The following CACHD1 variants were observed in gnomAD, a reference collection of about 807,000 sequenced individuals.
CACHD1 encodes the protein VWFA and cache domain-containing protein 1.
CACHD1 carries 71 observed loss-of-function variants against 138.7 expected under a neutral mutation model. The observed-to-expected ratio is 0.51, with a 90% confidence interval of 0.42 to 0.62. The LOEUF (loss-of-function observed/expected upper bound fraction) is 0.62. CACHD1 is among the 20% of genes least tolerant of loss of function. The pLI is 0.00. For missense variants in CACHD1, 1,389 were observed against 1,625.3 expected (o/e 0.85, Z 2.50); for synonymous variants, 578 against 591.5 (o/e 0.98, Z 0.33).
intron 12 of CACHD1, among the ~76,000 whole-genome samples, chr1:64,655,068 C>T (rs1389016807): frequency 6.6e-6 from 1 of 152,024 alleles, no homozygotes; most frequent in Non-Finnish European, 1.5e-5. Context: ...TAAACTATGC[C>T]CAGCCTGGAC....
intron 26 of CACHD1, among the ~76,000 whole-genome samples, chr1:64,685,923 G>A (rs1650355550): frequency 6.6e-6 from 1 of 152,078 alleles, no homozygotes; most frequent in South Asian, 2.1e-4. Context: ...TAGGCACGGT[G>A]CTCAGGGTTG....
chr1:64,620,090 G>T (rs759229976), intron 4 of CACHD1, among the ~76,000 whole-genome samples: 35 of 152,024 alleles, frequency 2.3e-4, no homozygotes, highest in Non-Finnish European at 2.4e-4. Context: ...CGTTGGTAAA[G>T]GTTTAGAGAA....
chr1:64,599,968 CTTTA>C (rs1647197037), intron 3 of CACHD1, among the ~76,000 whole-genome samples: 1 of 152,064 alleles, frequency 6.6e-6, no homozygotes, highest in South Asian at 2.1e-4. Flanking sequence ...GCAAGTTCTT[CTTTA>C]TTTATCACTT....
chr1:64,618,588 C>G (rs1446282769), intron 4 of CACHD1, among the ~76,000 whole-genome samples: 1 of 152,062 alleles, frequency 6.6e-6, no homozygotes, highest in South Asian at 2.1e-4. Context: ...AATATATGGC[C>G]CCTGCAGAAT....
intron 2 of CACHD1, among the ~76,000 whole-genome samples, chr1:64,571,916 T>C (rs948920010): frequency 1.1e-4 from 16 of 152,336 alleles, no homozygotes; most frequent in African/African-American, 3.6e-4. Context: ...CTTTCTGACC[T>C]ATCCATCCCC....
chr1:64,585,332 G>A (rs1380560736), intron 3 of CACHD1, among the ~76,000 whole-genome samples: 1 of 152,190 alleles, frequency 6.6e-6, no homozygotes, highest in Non-Finnish European at 1.5e-5. Context: ...TGGGATAGAG[G>A]CCATCTAATT....
intron 7 of CACHD1, 35 bp downstream of exon 7, chr1:64,634,295 G>A (rs2118102): frequency 0.99 from 1,483,244 of 1,504,284 alleles, 733,565 homozygotes; most frequent in East Asian, 1. Context: ...TAGAGGCATA[G>A]TAGATAAAGA....
At chr1:64,603,821 C>A (rs1368147713) in intron 4 of CACHD1, among the ~76,000 whole-genome samples, 1 of 152,160 alleles carries the variant, frequency 6.6e-6, no homozygotes, top group Non-Finnish European at 1.5e-5. Flanking sequence ...ATTTCTCTTT[C>A]TTTTTGTCTT....
intron 21 of CACHD1, 104 bp downstream of exon 21, chr1:64,676,087 C>T (rs908766228): frequency 1.2e-5 from 5 of 404,394 alleles, no homozygotes; most frequent in Non-Finnish European, 1.6e-5. Context: ...TGAGTTAGGG[C>T]GTATAAAGAT....
At chr1:64,513,229 A>T (rs186302658) in intron 1 of CACHD1, among the ~76,000 whole-genome samples, 20 of 152,282 alleles carry the variant, frequency 1.3e-4, no homozygotes, top group Admixed American at 9.2e-4. Flanking sequence ...GCATTTTAGG[A>T]TGTTTAACAA....
chr1:64,525,984 A>G (rs1646535619), intron 1 of CACHD1, among the ~76,000 whole-genome samples: 1 of 152,228 alleles, frequency 6.6e-6, no homozygotes, highest in Non-Finnish European at 1.5e-5. Context: ...TTGAATCCAT[A>G]TTAAGTGCTA....
intron 8 of CACHD1, among the ~76,000 whole-genome samples, chr1:64,645,873 C>T (rs1291824495): frequency 6.6e-6 from 1 of 152,122 alleles, no homozygotes; most frequent in East Asian, 1.9e-4. Flanking sequence ...TCTTACTGTC[C>T]CCTAAATCTC....
chr1:64,489,714 G>A (rs1476360927), intron 1 of CACHD1, among the ~76,000 whole-genome samples: 2 of 152,130 alleles, frequency 1.3e-5, no homozygotes, highest in Admixed American at 6.5e-5. Flanking sequence ...CTCAGGAAGT[G>A]TTTGCTTTTT....
chr1:64,682,307 A>G (rs1426989433), intron 26 of CACHD1, among the ~76,000 whole-genome samples: 3 of 152,200 alleles, frequency 2.0e-5, no homozygotes, highest in African/African-American at 7.2e-5. Flanking sequence ...TTCTCCATAC[A>G]GAAGGATTCA....
chr1:64,526,138 G>A (rs1340404304), intron 1 of CACHD1, among the ~76,000 whole-genome samples: 2 of 152,154 alleles, frequency 1.3e-5, no homozygotes, highest in Admixed American at 6.6e-5. Context: ...GAGCCCGTGT[G>A]TTGGTTGGTA....
intron 2 of CACHD1, among the ~76,000 whole-genome samples, chr1:64,556,478 A>G (rs1433306557): frequency 6.6e-6 from 1 of 152,124 alleles, no homozygotes; most frequent in East Asian, 1.9e-4. Context: ...GTTAATGAAA[A>G]TTAGATGCCC....
Position 64,647,899 on chromosome 1 carries a change from A to T in CACHD1, c.1255A>T (p.Ile419Phe). Residue 419 changes from isoleucine (I) to phenylalanine (F), a missense_variant, in exon 9 of 27, where the codon ATT (isoleucine) becomes TTT (phenylalanine). This residue lies in a region of CACHD1 where 1,000 missense variants were observed against 1,114.7 expected (regional missense o/e 0.90). Transcript: ENST00000651257. Reference protein sequence around the residue: ...GVPDRMALPVIKGSMMVLNQL... With the variant: ...GVPDRMALPVFKGSMMVLNQL... ...GCCAGACCGGATGGCCTTGCCTGTG[A>T]TTAAGGGCAGCATGATGGTGCTGAA... 1.2e-6 allele frequency: 2 copies of T among 1,614,142 alleles called. No individual in the cohort carries two copies. Among genetic ancestry groups the T allele is most frequent in the South Asian group, 2.2e-5 (2 of 91,066 alleles).
At chr1:64,570,805 A>C (rs934477590) in intron 2 of CACHD1, among the ~76,000 whole-genome samples, 13 of 152,270 alleles carry the variant, frequency 8.5e-5, no homozygotes, top group African/African-American at 2.4e-4. Flanking sequence ...AGCAAGTCTT[A>C]ATAGCAGGCA....
At chr1:64,598,273 C>A (rs908844331) in intron 3 of CACHD1, among the ~76,000 whole-genome samples, 36 of 152,156 alleles carry the variant, frequency 2.4e-4, no homozygotes, top group African/African-American at 8.4e-4. Context: ...ACCGGCACAT[C>A]AGTGGTAGTG....
Sources: allele counts gnomAD v4.1 joint callset (sites outside exome capture counted in the v4.1 genomes callset), GRCh38; gene constraint gnomAD v4.1.1; regional missense constraint gnomAD v4.1.1; transcripts MANE v1.5; gene names NCBI Gene and HGNC (gene_info 2026-07-23, HGNC 2026-07-21).